Variants in NOS1AP observed in about 807,000 individuals in gnomAD.
The protein encoded by NOS1AP is carboxyl-terminal PDZ ligand of neuronal nitric oxide synthase protein.
In NOS1AP, 21 loss-of-function variants were observed where a neutral mutation model predicts 56.2. The ratio of observed to expected loss-of-function variants is 0.37; its 90% CI spans 0.26 to 0.54. NOS1AP has a LOEUF of 0.54. Among genes scored for constraint, NOS1AP ranks in the 20% least tolerant of loss-of-function variants. The pLI, the probability that NOS1AP is intolerant of heterozygous loss-of-function variation, is 0.84. For synonymous variants in NOS1AP, 270 were observed against 274.6 expected, an observed-to-expected ratio of 0.98 and a Z score of 0.17; for missense variants, 522 against 657.8, an observed-to-expected ratio of 0.79 and a Z score of 2.26.
chr1:162,122,165 A>G (rs1461256550), intron 1 of NOS1AP, among the ~76,000 whole-genome samples: 3 of 152,244 alleles, frequency 2.0e-5, no homozygotes, highest in Admixed American at 6.5e-5. Flanking sequence ...TGTAAATGAT[A>G]TAAAGCAAGA....
At chr1:162,269,310 T>C (rs1654515235) in intron 2 of NOS1AP, among the ~76,000 whole-genome samples, 1 of 152,326 alleles carries the variant, frequency 6.6e-6, no homozygotes, top group Admixed American at 6.5e-5. Flanking sequence ...TATCCTCATC[T>C]TAAAATTGAA....
chr1:162,168,909 T>C (rs1447350120), intron 2 of NOS1AP, among the ~76,000 whole-genome samples: 1 of 152,220 alleles, frequency 6.6e-6, no homozygotes, highest in African/African-American at 2.4e-5. Context: ...GGTTCAGGCC[T>C]GAATACCCAA....
chr1:162,368,440 A>AAAG lies in NOS1AP; in HGVS notation c.*975_*976insGAA, dbSNP rs879147574. 3 of 40,862 alleles carry AAAG rather than the reference A, an allele frequency of 7.3e-5. No individual in the cohort carries two copies. The East Asian group carries it at 5.0e-3, about 69-fold the overall frequency. 2.5% of individuals were successfully genotyped at this position (40,862 alleles called of 1,614,324 possible). A position where few individuals can be genotyped will look rare whatever the true frequency, so the allele number is the denominator to read the frequency against. ...GCAGTGGTGGTCAGTTTTTACTGCA[A>AAAG]AAAAAAAAAAAGAAAAAAGAGAAAG... On this transcript the variant is annotated 3_prime_UTR_variant, in exon 10 of 10. Coordinates refer to ENST00000361897, the MANE Select transcript of NOS1AP (RefSeq NM_014697.3).
intron 8 of NOS1AP, among the ~76,000 whole-genome samples, chr1:162,362,257 C>T (rs1657926971): frequency 6.6e-6 from 1 of 152,074 alleles, no homozygotes; most frequent in African/African-American, 2.4e-5. Context: ...TTGAGACCAG[C>T]CCGGCCAACA....
chr1:162,098,904 A>G (rs888423635), intron 1 of NOS1AP, among the ~76,000 whole-genome samples: 3 of 152,118 alleles, frequency 2.0e-5, no homozygotes, highest in African/African-American at 7.2e-5. Flanking sequence ...TTCTTTATCC[A>G]GTGTATCACT....
intron 1 of NOS1AP, among the ~76,000 whole-genome samples, chr1:162,078,880 G>A (rs1406404193): frequency 6.6e-6 from 1 of 152,150 alleles, no homozygotes; most frequent in African/African-American, 2.4e-5. Flanking sequence ...CACCTGCTTT[G>A]TATTAGAGCT....
chr1:162,120,446 T>C (rs1272763274), intron 1 of NOS1AP, among the ~76,000 whole-genome samples: 4 of 152,190 alleles, frequency 2.6e-5, no homozygotes, highest in African/African-American at 9.7e-5. Context: ...ATTAGTCCAT[T>C]TTCACTCTGC....
At chr1:162,132,480 A>G (rs1404705456) in intron 1 of NOS1AP, among the ~76,000 whole-genome samples, 1 of 152,268 alleles carries the variant, frequency 6.6e-6, no homozygotes, top group Non-Finnish European at 1.5e-5. Context: ...CAAGAAAAAA[A>G]TACAGAGATT....
intron 1 of NOS1AP, among the ~76,000 whole-genome samples, chr1:162,093,490 T>C (rs1692176329): frequency 6.6e-6 from 1 of 152,212 alleles, no homozygotes; most frequent in South Asian, 2.1e-4. Context: ...GGTAGGTATG[T>C]GTTAGATATT....
chr1:162,248,790 C>T (rs1371153761), intron 2 of NOS1AP, among the ~76,000 whole-genome samples: 4 of 152,156 alleles, frequency 2.6e-5, no homozygotes, highest in Non-Finnish European at 5.9e-5. Context: ...GTCCCTAATT[C>T]ATTTCCTTTG....
At chr1:162,263,855 G>A (rs1383187562) in intron 2 of NOS1AP, among the ~76,000 whole-genome samples, 1 of 152,094 alleles carries the variant, frequency 6.6e-6, no homozygotes, top group Non-Finnish European at 1.5e-5. Context: ...TCCGGTGACT[G>A]GGACCACCTT....
At chr1:162,186,408 CAAAACAAAACAAAAA>C (rs1345169892) in intron 2 of NOS1AP, among the ~76,000 whole-genome samples, 9 of 150,782 alleles carry the variant, frequency 6.0e-5, no homozygotes, top group Non-Finnish European at 1.3e-4. Context: ...AAAAACAAAA[CAAAACAAAACAAAAA>C]AAAACAAAAA....
intron 1 of NOS1AP, among the ~76,000 whole-genome samples, chr1:162,091,397 C>T (rs982399662): frequency 1.3e-5 from 2 of 152,180 alleles, no homozygotes; most frequent in Non-Finnish European, 2.9e-5. Flanking sequence ...CAATATCATA[C>T]TGGCTATTGG....
intron 1 of NOS1AP, among the ~76,000 whole-genome samples, chr1:162,135,276 A>G (rs1320942954): frequency 6.6e-6 from 1 of 152,172 alleles, no homozygotes; most frequent in African/African-American, 2.4e-5. Context: ...TTGCCGGCTG[A>G]TGGAAGGACT....
At chr1:162,300,780 G>A in intron 4 of NOS1AP, 74 bp downstream of exon 4, 1 of 1,333,642 alleles carries the variant, frequency 7.5e-7, no homozygotes, top group South Asian at 1.2e-5. Context: ...CACCTGTCAG[G>A]CTGGTGGATC....
chr1:162,292,689 A>G (rs1361177754), intron 3 of NOS1AP, among the ~76,000 whole-genome samples: 4 of 152,236 alleles, frequency 2.6e-5, no homozygotes, highest in Admixed American at 6.5e-5. Context: ...TGCCTAATTA[A>G]TTAAGCCAGA....
chr1:162,188,259 C>T lies in NOS1AP; in HGVS notation c.177+33783C>T, dbSNP rs1651505940. Among the ~76,000 whole-genome samples, 1 of 152,156 alleles carries T rather than the reference C, an allele frequency of 6.6e-6. No individual in the cohort carries two copies. Among genetic ancestry groups the T allele is most frequent in the Non-Finnish European group, 1.5e-5 (1 of 68,040 alleles). On this transcript the variant is annotated intron_variant, in intron 2 of 9. Coordinates refer to ENST00000361897, the MANE Select transcript of NOS1AP (RefSeq NM_014697.3). The surrounding 1 kb of genome is among the most constrained non-coding windows in gnomAD (Gnocchi z 4.0). ...ATAAGCAAATGGTGCCCTTTGCAAT[C>T]GTTTTGTAAATTATCTGTGGCCTGC...
Position 162,214,832 on chromosome 1 carries a change from C to T in NOS1AP, c.177+60356C>T, listed in dbSNP as rs142495607. On this transcript the variant is annotated intron_variant, in intron 2 of 9. Transcript: ENST00000361897. ...ACAGCATATGGGAGTTCTGTCTGTA[C>T]GCTAACATTTGTTTGTTAGTCATAT... 3.5e-4 allele frequency among the ~76,000 whole-genome samples: 54 copies of T among 152,250 alleles called. No homozygotes were observed. The East Asian group carries it at 7.1e-3, about 20-fold the overall frequency.
At chr1:162,279,828 T>C (rs1421796642) in intron 2 of NOS1AP, among the ~76,000 whole-genome samples, 3 of 152,202 alleles carry the variant, frequency 2.0e-5, no homozygotes, top group Non-Finnish European at 4.4e-5. Context: ...GACACAAGTG[T>C]TGGGGAACAT....
Sources: allele counts gnomAD v4.1 joint callset (sites outside exome capture counted in the v4.1 genomes callset), GRCh38; gene constraint gnomAD v4.1.1; non-coding constraint Gnocchi (gnomAD v3.1); transcripts MANE v1.5; gene names NCBI Gene and HGNC (gene_info 2026-07-23, HGNC 2026-07-21).